The following FARS2 variants were observed in gnomAD, a reference collection of about 807,000 sequenced individuals.
FARS2 encodes phenylalanyl-tRNA synthetase 2, mitochondrial.
Under a neutral mutation model 46.4 loss-of-function variants are expected in FARS2, and 40 were observed. The ratio of observed to expected loss-of-function variants is 0.86; its 90% CI spans 0.67 to 1.12. The LOEUF is 1.12. Among genes scored for constraint, FARS2 ranks in the 50% most tolerant of loss-of-function variants. The pLI is 0.00. For missense variants in FARS2, 513 were observed against 567.9 expected (o/e 0.90, Z 0.98); for synonymous variants, 234 against 214.9 (o/e 1.09, Z -0.78).
chr6:5,531,930 G>T (rs1769866309), intron 4 of FARS2, among the ~76,000 whole-genome samples: 1 of 152,218 alleles, frequency 6.6e-6, no homozygotes, highest in Non-Finnish European at 1.5e-5. Flanking sequence ...GTCCATCATT[G>T]TAACTAACAA....
chr6:5,406,733 T>C (rs1429721029), intron 3 of FARS2, among the ~76,000 whole-genome samples: 1 of 151,876 alleles, frequency 6.6e-6, no homozygotes, highest in Non-Finnish European at 1.5e-5. Context: ...TGAACATTCA[T>C]GGATCAGTCT....
At chr6:5,695,084 T>C (rs1758017065) in intron 6 of FARS2, 1 of 152,258 alleles carries the variant, frequency 6.6e-6, no homozygotes, top group African/African-American at 2.4e-5. Flanking sequence ...ATTCTGGTTT[T>C]TTCTTGAGCA....
intron 4 of FARS2, chr6:5,431,642 C>CTT (rs1562035652): frequency 3.8e-6 from 2 of 532,894 alleles, no homozygotes; most frequent in South Asian, 2.8e-5. Context: ...GCCCCTAATG[C>CTT]TTAATCCATC....
chr6:5,714,982 GCCACTGCACT>G (rs1561816974), intron 6 of FARS2, among the ~76,000 whole-genome samples: 5 of 152,116 alleles, frequency 3.3e-5, no homozygotes, highest in Non-Finnish European at 1.5e-5. Context: ...TGGAGATCGC[GCCACTGCACT>G]CCAGCCTGGG....
chr6:5,649,430 C>T (rs1777235046), intron 6 of FARS2, among the ~76,000 whole-genome samples: 1 of 152,186 alleles, frequency 6.6e-6, no homozygotes, highest in African/African-American at 2.4e-5. Flanking sequence ...TGGTTGGGGG[C>T]AACCCTGGAA....
intron 4 of FARS2, among the ~76,000 whole-genome samples, chr6:5,520,382 T>G (rs1282543180): frequency 6.6e-6 from 1 of 152,206 alleles, no homozygotes; most frequent in Non-Finnish European, 1.5e-5. Context: ...AGTGCTTGTG[T>G]CTTGCTTTCT....
At chr6:5,493,457 T>C (rs778032331) in intron 4 of FARS2, among the ~76,000 whole-genome samples, 3 of 152,164 alleles carry the variant, frequency 2.0e-5, no homozygotes. Flanking sequence ...AGAACAAATG[T>C]CTTTTGATGT....
At chr6:5,618,189 G>C (rs1466602035) in intron 6 of FARS2, among the ~76,000 whole-genome samples, 4 of 152,156 alleles carry the variant, frequency 2.6e-5, no homozygotes, top group African/African-American at 9.7e-5. Flanking sequence ...CTTGATTTGG[G>C]GGAGGGGGAT....
chr6:5,752,631 T>C (rs1330078968), intron 6 of FARS2, among the ~76,000 whole-genome samples: 2 of 152,182 alleles, frequency 1.3e-5, no homozygotes, highest in African/African-American at 2.4e-5. Context: ...AGAAACATGC[T>C]TTCCCCTGGA....
chr6:5,262,282 C>CTTTTTTTTTTTTTTTTTTTT (rs1765214282), intron 1 of FARS2, among the ~76,000 whole-genome samples: 1 of 151,926 alleles, frequency 6.6e-6, no homozygotes, highest in African/African-American at 2.4e-5. Context: ...TTTCTGTTTC[C>CTTTTTTTTTTTTTTTTTTTT]TTTTCTTTTT....
At chr6:5,377,775 C>T (rs999294364) in intron 2 of FARS2, among the ~76,000 whole-genome samples, 2 of 151,988 alleles carry the variant, frequency 1.3e-5, no homozygotes, top group Admixed American at 1.3e-4. Context: ...AGGATGATTT[C>T]CTTGCCACTT....
intron 2 of FARS2, among the ~76,000 whole-genome samples, chr6:5,381,040 G>A (rs1446416000): frequency 4.0e-5 from 6 of 148,528 alleles, no homozygotes; most frequent in South Asian, 4.2e-4. Flanking sequence ...TCGCTCTGTC[G>A]CCCAGGCTGG....
At chr6:5,494,962 A>G (rs1767363586) in intron 4 of FARS2, among the ~76,000 whole-genome samples, 1 of 152,212 alleles carries the variant, frequency 6.6e-6, no homozygotes, top group Admixed American at 6.5e-5. Flanking sequence ...ACAAATGAAC[A>G]TGTTGGCCTA....
At chr6:5,540,976 T>C (rs1770593329) in intron 4 of FARS2, among the ~76,000 whole-genome samples, 1 of 152,212 alleles carries the variant, frequency 6.6e-6, no homozygotes, top group African/African-American at 2.4e-5. Flanking sequence ...GAGGGGCCTT[T>C]GGTGCTGTTG....
intron 4 of FARS2, among the ~76,000 whole-genome samples, chr6:5,445,403 T>G (rs1277764658): frequency 6.6e-6 from 1 of 152,224 alleles, no homozygotes; most frequent in Non-Finnish European, 1.5e-5. Context: ...TGCTAAGTTA[T>G]TTTTCTTATA....
chr6:5,613,426 A>G (rs1053847195), intron 6 of FARS2, 106 bp downstream of exon 6: 16 of 884,198 alleles, frequency 1.8e-5, no homozygotes, highest in Non-Finnish European at 2.6e-5. Context: ...CTGAGACAAA[A>G]TGTCTTCTGA....
intron 5 of FARS2, among the ~76,000 whole-genome samples, chr6:5,569,448 A>G (rs926327971): frequency 2.0e-5 from 3 of 152,112 alleles, no homozygotes; most frequent in African/African-American, 4.8e-5. Context: ...CACATTGTCC[A>G]TGCTGAGCTC....
In FARS2 at chr6:5,723,498, G is replaced by C. The variant is rs962994248; in HGVS notation, c.1218-47793G>C. Among the ~76,000 whole-genome samples, 7 of 152,254 alleles carry C rather than the reference G, an allele frequency of 4.6e-5. No individual in the cohort carries two copies. The East Asian group carries it at 1.3e-3, about 29-fold the overall frequency. ...GAATAATTGCAGGATCCGCTCATAG[G>C]CTTGTTGAGAACATCGAACAGGACA... On this transcript the variant is annotated intron_variant, in intron 6 of 6. Coordinates refer to ENST00000274680, the MANE Select transcript of FARS2 (RefSeq NM_006567.5).
rs1225108888 is a variant in FARS2 at position 5,630,082 on chromosome 6, A to G, written c.1217+16762A>G. ...AGAGGCCAGGATTGGAACGTGTACT[A>G]CTCTTGACCACTGGAGCTCCAGACA... On this transcript the variant is annotated intron_variant, in intron 6 of 6. Transcript: ENST00000274680. This position sits in a 1 kb window ranked among gnomAD's most constrained non-coding sequence, Gnocchi z 4.2. Among the ~76,000 whole-genome samples the G allele has an allele frequency of 1.3e-5, 2 of 151,940 alleles. No homozygotes were observed. Among genetic ancestry groups the G allele is most frequent in the Non-Finnish European group, 2.9e-5 (2 of 67,986 alleles).
Sources: gnomAD v4.1 joint callset for allele counts (sites outside exome capture counted in the v4.1 genomes callset) on GRCh38, gnomAD v4.1.1 for gene constraint, Gnocchi (gnomAD v3.1) non-coding constraint, MANE v1.5 for transcripts, NCBI Gene and HGNC (gene_info 2026-07-23, HGNC 2026-07-21) for gene names.